Variants in RTL4 observed in about 807,000 individuals in gnomAD.
RTL4 encodes the protein retrotransposon Gag like 4, also known as retrotransposon Gag-like protein 4.
Under a neutral mutation model 5.3 loss-of-function variants are expected in RTL4, and 4 were observed. That is an observed-to-expected ratio of 0.75 (90% CI 0.37 to 1.72). The LOEUF is 1.72. RTL4 is among the 40% of genes most tolerant of loss of function. The probability of loss-of-function intolerance (pLI) is 0.04; values close to 1 mark genes in which losing one functional copy is unlikely to be tolerated. For missense variants in RTL4, 260 were observed against 227.1 expected (o/e 1.14, Z -0.93); for synonymous variants, 98 against 87.3 (o/e 1.12, Z -0.68).
the RTL4 span, among the ~76,000 whole-genome samples, chrX:112,286,089 G>A: frequency 9.0e-6 from 1 of 111,665 alleles, no homozygotes; most frequent in East Asian, 2.8e-4. Flanking sequence ...GAGTGATGGG[G>A]AGGATACTGT....
the RTL4 span, among the ~76,000 whole-genome samples, chrX:112,358,457 C>T: frequency 9.0e-6 from 1 of 111,157 alleles, no homozygotes; most frequent in Non-Finnish European, 1.9e-5. Flanking sequence ...TAGAATAGAA[C>T]TTTATGTTTT....
the RTL4 span, among the ~76,000 whole-genome samples, chrX:112,321,450 C>T: frequency 5.6e-5 from 6 of 107,119 alleles, no homozygotes; most frequent in African/African-American, 1.7e-4. Flanking sequence ...GCAGGAGAAT[C>T]GCTTGAACCC....
At chrX:112,269,736 T>A in the RTL4 span, among the ~76,000 whole-genome samples, 4 of 112,166 alleles carry the variant, frequency 3.6e-5, no homozygotes, top group Non-Finnish European at 7.5e-5. Context: ...TACTCCTGTA[T>A]ATTCTTTTCA....
chrX:112,324,659 C>T, the RTL4 span, among the ~76,000 whole-genome samples: 5 of 111,248 alleles, frequency 4.5e-5, no homozygotes, highest in Non-Finnish European at 9.4e-5. Context: ...TTTTAATTTT[C>T]ATTTGTCTCA....
chrX:112,229,592 A>G, the RTL4 span, among the ~76,000 whole-genome samples: 29,120 of 111,412 alleles, frequency 0.26, 3,826 homozygotes, highest in African/African-American at 0.52. Flanking sequence ...CCTGGGCCAC[A>G]TTGGAAGAAA....
chrX:112,229,243 G>T, the RTL4 span, among the ~76,000 whole-genome samples: 2 of 112,053 alleles, frequency 1.8e-5, no homozygotes, highest in African/African-American at 6.5e-5. Context: ...AGGCATGGAG[G>T]CTAAAAACAT....
chrX:112,254,481 C>T, the RTL4 span, among the ~76,000 whole-genome samples: 1 of 110,520 alleles, frequency 9.0e-6, no homozygotes, highest in Admixed American at 9.7e-5. Flanking sequence ...AAGCACACGC[C>T]ACTACGCCCA....
the RTL4 span, among the ~76,000 whole-genome samples, chrX:112,367,104 A>T: frequency 1.8e-5 from 2 of 111,714 alleles, no homozygotes; most frequent in Non-Finnish European, 3.8e-5. Context: ...AGGGAAAAAA[A>T]CCCACCTCTC....
At chrX:112,211,614 G>A in the RTL4 span, among the ~76,000 whole-genome samples, 1 of 112,228 alleles carries the variant, frequency 8.9e-6, no homozygotes. Context: ...AAACCAGGGT[G>A]TTGGCGAAAA....
chrX:112,339,949 AACTT>A, the RTL4 span, among the ~76,000 whole-genome samples: 1 of 112,627 alleles, frequency 8.9e-6, no homozygotes, highest in Non-Finnish European at 1.9e-5. Flanking sequence ...GTGCCAATAA[AACTT>A]AATTTACAAA....
At chrX:112,217,841 A>G in the RTL4 span, among the ~76,000 whole-genome samples, 1 of 111,750 alleles carries the variant, frequency 8.9e-6, no homozygotes, top group African/African-American at 3.3e-5. Flanking sequence ...TTTCATTAAG[A>G]CTTAATTCTC....
chrX:112,249,484 G>C, the RTL4 span, among the ~76,000 whole-genome samples: 1 of 111,312 alleles, frequency 9.0e-6, no homozygotes. Context: ...TTCTGGATGA[G>C]AGTAACATTT....
the RTL4 span, among the ~76,000 whole-genome samples, chrX:112,117,167 T>G: frequency 9.1e-6 from 1 of 110,019 alleles, no homozygotes; most frequent in African/African-American, 3.3e-5. Context: ...TACCACATAA[T>G]CGTTATATGG....
chrX:112,419,581 A>ATATATTTACATATGTATATG, the RTL4 span, among the ~76,000 whole-genome samples: 3 of 36,011 alleles, frequency 8.3e-5, no homozygotes, highest in Non-Finnish European at 1.8e-4. Flanking sequence ...GGTAGTATAT[A>ATATATTTACATATGTATATG]TATATATATA....
At chrX:112,425,723 T>A in the RTL4 span, among the ~76,000 whole-genome samples, 1 of 111,976 alleles carries the variant, frequency 8.9e-6, no homozygotes, top group African/African-American at 3.2e-5. Flanking sequence ...CATCTATATA[T>A]CTTCTTTGGT....
At chrX:112,446,015 GTGCAGAAGGAAGGT>G in the RTL4 span, among the ~76,000 whole-genome samples, 1 of 111,349 alleles carries the variant, frequency 9.0e-6, no homozygotes, top group Non-Finnish European at 1.9e-5. Flanking sequence ...AATAGTAACG[GTGCAGAAGGAAGGT>G]TGCAGCAGCT....
the RTL4 span, among the ~76,000 whole-genome samples, chrX:112,391,911 C>A: frequency 9.1e-6 from 1 of 109,943 alleles, no homozygotes; most frequent in African/African-American, 3.3e-5. Flanking sequence ...GGGGGCTCCA[C>A]CCCCAGAGAG....
At chrX:112,274,519 G>A in the RTL4 span, among the ~76,000 whole-genome samples, 2 of 111,988 alleles carry the variant, frequency 1.8e-5, no homozygotes, top group Admixed American at 1.9e-4. Context: ...TCCTGACTGA[G>A]AAAGGTCAGC....
At chrX:112,243,304 C>T in the RTL4 span, among the ~76,000 whole-genome samples, 5 of 110,759 alleles carry the variant, frequency 4.5e-5, no homozygotes, top group South Asian at 3.9e-4. Flanking sequence ...TGGTAGAATT[C>T]GGCTGTGAAC....
Sources: gnomAD v4.1 joint callset for allele counts (sites outside exome capture counted in the v4.1 genomes callset) on GRCh38, gnomAD v4.1.1 for gene constraint, MANE v1.5 for transcripts, NCBI Gene and HGNC (gene_info 2026-07-23, HGNC 2026-07-21) for gene names.